The following VCPIP1 variants were observed in gnomAD, a reference collection of about 807,000 sequenced individuals.
VCPIP1 encodes the protein deubiquitinating protein VCPIP1.
A neutral mutation model predicts 85.0 loss-of-function variants in VCPIP1; 8 were observed. The ratio of observed to expected loss-of-function variants is 0.09; its 90% CI spans 0.06 to 0.17. The LOEUF is 0.17. VCPIP1 is among the 10% of genes least tolerant of loss of function. The probability of loss-of-function intolerance (pLI) is 1.00; values close to 1 mark genes in which losing one functional copy is unlikely to be tolerated. For synonymous variants in VCPIP1, 543 were observed against 544.5 expected, an observed-to-expected ratio of 1.00 and a Z score of 0.04; for missense variants, 1,070 against 1,486.3, an observed-to-expected ratio of 0.72 and a Z score of 4.61.
At chr8:66,655,339 T>G (rs973189109) in intron 1 of VCPIP1, among the ~76,000 whole-genome samples, 5 of 152,190 alleles carry the variant, frequency 3.3e-5, no homozygotes, top group African/African-American at 1.2e-4. Flanking sequence ...TGTTTTCCTG[T>G]TTTGTTTTGT....
chr8:66,639,687 T>C (rs1810928718), intron 2 of VCPIP1, among the ~76,000 whole-genome samples: 1 of 152,134 alleles, frequency 6.6e-6, no homozygotes, highest in Non-Finnish European at 1.5e-5. Context: ...AATAGTATAG[T>C]TTAGTTATAA....
In VCPIP1 at chr8:66,632,534, A is replaced by C. The variant is rs1473453195; in HGVS notation, c.*1967T>G. 6.6e-6 allele frequency: 1 copy of C among 152,132 alleles called. No homozygotes were observed. The highest frequency in any genetic ancestry group is 1.5e-5 in the Non-Finnish European group (1 of 67,950). 9.4% of individuals were successfully genotyped at this position (152,132 alleles called of 1,614,324 possible). On this transcript the variant is annotated 3_prime_UTR_variant, in exon 3 of 3. Coordinates refer to ENST00000310421, the MANE Select transcript of VCPIP1 (RefSeq NM_025054.5). Reference sequence around the variant, plus strand: ...GCACTAAATGTAAGAATAGGGAGATAAAGTTTGTTTCTGGTATTTTATGTT... The same window carrying C: ...GCACTAAATGTAAGAATAGGGAGATCAAGTTTGTTTCTGGTATTTTATGTT...
intron 1 of VCPIP1, among the ~76,000 whole-genome samples, chr8:66,656,106 A>T (rs777344051): frequency 2.4e-4 from 37 of 152,064 alleles, no homozygotes; most frequent in Non-Finnish European, 4.9e-4. Flanking sequence ...ATTTTTTCTA[A>T]TTTTTTTCTA....
chr8:66,656,688 C>G (rs972215228), intron 1 of VCPIP1, among the ~76,000 whole-genome samples: 1 of 151,840 alleles, frequency 6.6e-6, no homozygotes, highest in Non-Finnish European at 1.5e-5. Context: ...TGGCTCACTG[C>G]AGCCTCTATC....
Position 66,658,496 on chromosome 8 carries a change from TTTTC to T in VCPIP1, c.2710+5749_2710+5752del, listed in dbSNP as rs534372944. ...CAAGCGTGATTCTGGAAAATTCTTTTTTTCTTTTTTTGAGACAGAGTCTCACTCT... is the reference window on the plus strand; with the variant it reads ...CAAGCGTGATTCTGGAAAATTCTTTTTTTTTTTGAGACAGAGTCTCACTCT... On this transcript the variant is annotated intron_variant, in intron 1 of 2. Transcript: ENST00000310421. Among the ~76,000 whole-genome samples, 36 of 152,116 alleles carry T rather than the reference TTTTC, an allele frequency of 2.4e-4. No individual in the cohort carries two copies. The South Asian group carries it at 7.5e-3, about 32-fold the overall frequency.
intron 2 of VCPIP1, among the ~76,000 whole-genome samples, chr8:66,646,752 C>A (rs559297337): frequency 9.9e-5 from 15 of 151,888 alleles, no homozygotes; most frequent in Admixed American, 4.6e-4. Context: ...GACCCAAGAT[C>A]GTGCACTCCA....
At chr8:66,655,059 C>A (rs1811086936) in intron 1 of VCPIP1, among the ~76,000 whole-genome samples, 1 of 152,182 alleles carries the variant, frequency 6.6e-6, no homozygotes, top group African/African-American at 2.4e-5. Context: ...CTTTAGGATT[C>A]TTTGGAGTGT....
In VCPIP1 at chr8:66,664,898, C is replaced by G; in HGVS notation, c.2061G>C (p.Gln687His). The G allele has an allele frequency of 6.2e-7, 1 of 1,614,196 alleles. No individual in the cohort carries two copies. Among genetic ancestry groups the G allele is most frequent in the Non-Finnish European group, 8.5e-7 (1 of 1,180,040 alleles). ...CAGTAAGAATAATTTTAGTTGGGAG[C>G]TGAGACTCTGATTCTTGTCCTTGAA... ...GDVQGQESES[Q>H]LPTKIILTGQ... The change falls in exon 1 of 3, where the codon CAG (glutamine) becomes CAC (histidine). Residue 687 changes from glutamine to histidine, a missense_variant. Gln to His is a conservative substitution (Grantham distance 24, BLOSUM62 0). Around this residue, in one of 8 missense-constraint regions of VCPIP1, gnomAD observed 278 missense variants for 298.5 expected, o/e 0.93. Transcript: ENST00000310421.
chr8:66,639,686 GT>G (rs1231136672), intron 2 of VCPIP1, among the ~76,000 whole-genome samples: 5 of 152,122 alleles, frequency 3.3e-5, no homozygotes, highest in Non-Finnish European at 7.4e-5. Flanking sequence ...TAATAGTATA[GT>G]TTAGTTATAA....
At chr8:66,641,511 T>C (rs76186605) in intron 2 of VCPIP1, among the ~76,000 whole-genome samples, 13,630 of 152,096 alleles carry the variant, frequency 0.09, 1,264 homozygotes, top group African/African-American at 0.23. Flanking sequence ...AGGCATGAGC[T>C]ACTGTGCATA....
At chr8:66,654,425 G>A (rs1438324855) in intron 1 of VCPIP1, among the ~76,000 whole-genome samples, 3 of 152,214 alleles carry the variant, frequency 2.0e-5, no homozygotes, top group Non-Finnish European at 4.4e-5. Flanking sequence ...GCAGTGAGCC[G>A]AGGTCGTGCC....
rs1321917406 is a variant in VCPIP1 at position 66,635,293 on chromosome 8, C to T, written c.2877G>A (p.Leu959=). The T allele has an allele frequency of 6.2e-7, 1 of 1,614,152 alleles. No homozygotes were observed. The highest frequency in any genetic ancestry group is 1.7e-5 in the Admixed American group (1 of 60,010). The change falls in exon 3 of 3, where the codon CTG becomes CTA. Residue 959 remains leucine (L), a synonymous_variant. Coordinates refer to ENST00000310421, the MANE Select transcript of VCPIP1 (RefSeq NM_025054.5). ...GTCCTGCAGCATCCACACACAATTCCAGTCTATCTTCAGAAGCATTATAGA... is the reference window on the plus strand; with the variant it reads ...GTCCTGCAGCATCCACACACAATTCTAGTCTATCTTCAGAAGCATTATAGA... The part of the protein sequence containing the change: ...TFVYNASEDR[L]ELCVDAAGHF...
In VCPIP1 at chr8:66,633,399, T is replaced by C. The variant is rs1563565069; in HGVS notation, c.*1102A>G. The C allele has an allele frequency of 6.6e-6, 1 of 152,456 alleles. No individual in the cohort carries two copies. Among genetic ancestry groups the C allele is most frequent in the Non-Finnish European group, 1.5e-5 (1 of 67,952 alleles). 9.4% of individuals were successfully genotyped at this position (152,456 alleles called of 1,614,324 possible). On this transcript the variant is annotated 3_prime_UTR_variant, in exon 3 of 3. Transcript: ENST00000310421. ...AATACCAATCTCAGGATAAACACTCTTCTGTTGTTTTTAAGGAATAAGCAT... is the reference window on the plus strand; with the variant it reads ...AATACCAATCTCAGGATAAACACTCCTCTGTTGTTTTTAAGGAATAAGCAT...
intron 1 of VCPIP1, among the ~76,000 whole-genome samples, chr8:66,652,198 G>GA (rs1229063713): frequency 6.6e-6 from 1 of 151,964 alleles, no homozygotes; most frequent in Admixed American, 6.6e-5. Flanking sequence ...TTCAAAAAAA[G>GA]AAAAAACCAC....
In VCPIP1 at chr8:66,664,461, A is replaced by G. The variant is rs1811187008; in HGVS notation, c.2498T>C (p.Met833Thr). The change falls in exon 1 of 3, where the codon ATG becomes ACG. Residue 833 changes from methionine (M) to threonine (T), a missense_variant. Met to Thr is a moderately conservative substitution (Grantham distance 81, BLOSUM62 -1). Transcript: ENST00000310421. Reference sequence around the variant, plus strand: ...CTGTAAAGGAACTGGTTCCTTTTCCATTCCTGCCTGTGGTGGCATTAACTC... The same window carrying G: ...CTGTAAAGGAACTGGTTCCTTTTCCGTTCCTGCCTGTGGTGGCATTAACTC... ...PKELMPPQAG[M>T]EKEPVPLQHG... The G allele has an allele frequency of 6.2e-7, 1 of 1,613,764 alleles. No individual in the cohort carries two copies.
At chr8:66,661,916 A>C (rs1376680244) in intron 1 of VCPIP1, among the ~76,000 whole-genome samples, 1 of 150,328 alleles carries the variant, frequency 6.7e-6, no homozygotes, top group African/African-American at 2.4e-5. Flanking sequence ...GGCTCCTGCC[A>C]CCACACCCGG....
intron 1 of VCPIP1, among the ~76,000 whole-genome samples, chr8:66,654,499 G>A (rs1396488757): frequency 6.6e-6 from 1 of 152,108 alleles, no homozygotes; most frequent in Non-Finnish European, 1.5e-5. Context: ...GTTGTGTTTC[G>A]GCAAATTTGA....
rs1197356875 is a variant in VCPIP1 at position 66,628,854 on chromosome 8, G to A, written c.*5647C>T. 1 of 152,206 alleles carries A rather than the reference G, an allele frequency of 6.6e-6. No individual in the cohort carries two copies. The highest frequency in any genetic ancestry group is 1.5e-5 in the Non-Finnish European group (1 of 68,046). 9.4% of individuals were successfully genotyped at this position (152,206 alleles called of 1,614,324 possible). A position where few individuals can be genotyped will look rare whatever the true frequency, so the allele number is the denominator to read the frequency against. ...TCGGCAGAACAAAAGGTTGACAATTGTGAAACCACAAGGTTACAGAAGAAA... is the reference window on the plus strand; with the variant it reads ...TCGGCAGAACAAAAGGTTGACAATTATGAAACCACAAGGTTACAGAAGAAA... On this transcript the variant is annotated 3_prime_UTR_variant, in exon 3 of 3. Transcript: ENST00000310421.
rs1811188357 is a variant in VCPIP1, at chr8:66,664,588, G to A, written c.2371C>T (p.Leu791Phe). Residue 791 changes from leucine (L) to phenylalanine (F), a missense_variant, in exon 1 of 3, where the codon CTT (leucine) becomes TTT (phenylalanine). By Grantham distance (22) the Leu-to-Phe change is conservative. Coordinates refer to ENST00000310421, the MANE Select transcript of VCPIP1 (RefSeq NM_025054.5). ...TCAAAAAAGGTTGTTGAAGACTTAA[G>A]GGTAACCATGGACTGTCGTCCATCA... The part of the protein sequence containing the change: ...TNDGRQSMVT[L>F]KSSTTFFELQ... 6.2e-7 allele frequency: 1 copy of A among 1,614,136 alleles called. No individual in the cohort carries two copies. Among genetic ancestry groups the A allele is most frequent in the South Asian group, 1.1e-5 (1 of 91,076 alleles).
Sources: gnomAD v4.1 joint callset for allele counts (sites outside exome capture counted in the v4.1 genomes callset) on GRCh38, gnomAD v4.1.1 for gene constraint, gnomAD v4.1.1 regional missense constraint, MANE v1.5 for transcripts, NCBI Gene and HGNC (gene_info 2026-07-23, HGNC 2026-07-21) for gene names.